Variants in MACROD2 observed in about 807,000 individuals in gnomAD.
MACROD2 encodes ADP-ribose glycohydrolase MACROD2.
A neutral mutation model predicts 70.4 loss-of-function variants in MACROD2; 36 were observed. The observed-to-expected ratio is 0.51, with a 90% CI of 0.39 to 0.68. The LOEUF is 0.68. Ranked by LOEUF, MACROD2 falls within the 30% of genes least tolerant of loss-of-function variation. The pLI is 0.00. For synonymous variants in MACROD2, 172 were observed against 178.8 expected (o/e 0.96, Z 0.30); for missense variants, 496 against 538.4 (o/e 0.92, Z 0.78).
intron 2 of MACROD2, among the ~76,000 whole-genome samples, chr20:14,070,389 A>G (rs538198368): frequency 6.6e-6 from 1 of 152,084 alleles, no homozygotes; most frequent in South Asian, 2.1e-4. Flanking sequence ...GTGGAGATTG[A>G]CTGGCTGGTT....
intron 8 of MACROD2, among the ~76,000 whole-genome samples, chr20:15,665,989 TAAAAAAAA>T (rs11484133): frequency 1.3e-5 from 2 of 148,764 alleles, no homozygotes; most frequent in African/African-American, 4.9e-5. Flanking sequence ...GAGAAAATAG[TAAAAAAAA>T]AAAGTGTTAG....
intron 6 of MACROD2, among the ~76,000 whole-genome samples, chr20:15,261,615 C>A (rs1485835711): frequency 6.6e-6 from 1 of 151,936 alleles, no homozygotes; most frequent in African/African-American, 2.4e-5. Flanking sequence ...TTTACATGAA[C>A]AGCAAGACTG....
At chr20:14,766,286 C>A (rs1361095344) in intron 5 of MACROD2, among the ~76,000 whole-genome samples, 2 of 151,982 alleles carry the variant, frequency 1.3e-5, no homozygotes, top group African/African-American at 2.4e-5. Context: ...TAGAATGGCA[C>A]CCCTAAGTTA....
At chr20:15,955,267 C>T (rs913348941) in intron 12 of MACROD2, among the ~76,000 whole-genome samples, 3 of 152,118 alleles carry the variant, frequency 2.0e-5, no homozygotes, top group South Asian at 4.1e-4. Context: ...CTCATTAATT[C>T]GTTGCTGACA....
intron 5 of MACROD2, among the ~76,000 whole-genome samples, chr20:15,078,277 G>A (rs2075675230): frequency 6.6e-6 from 1 of 152,076 alleles, no homozygotes; most frequent in Non-Finnish European, 1.5e-5. Context: ...TGTATTCTGA[G>A]TTTTTGCTCC....
chr20:15,213,151 G>T (rs1237987427), intron 5 of MACROD2, among the ~76,000 whole-genome samples: 3 of 152,198 alleles, frequency 2.0e-5, no homozygotes, highest in Admixed American at 2.0e-4. Flanking sequence ...ATGGAATTAG[G>T]CAACATTCAC....
chr20:15,219,991 C>A (rs1601247401), intron 5 of MACROD2, among the ~76,000 whole-genome samples: 6 of 133,032 alleles, frequency 4.5e-5, no homozygotes, highest in African/African-American at 5.3e-5. Context: ...GATCACTGCA[C>A]ATTTTTTTTT....
intron 6 of MACROD2, among the ~76,000 whole-genome samples, chr20:15,300,761 C>A (rs1368617084): frequency 6.6e-6 from 1 of 152,148 alleles, no homozygotes; most frequent in Non-Finnish European, 1.5e-5. Flanking sequence ...AGGGTTAAGG[C>A]TGGTCAATGA....
At position 14,327,431 on chromosome 20, in the gene MACROD2, C is replaced by T. The variant is rs1420069278; in HGVS notation, c.272-166048C>T. 2.5e-6 allele frequency: 4 copies of T among 1,613,484 alleles called. No individual in the cohort carries two copies. The Admixed American group carries it at 5.0e-5, about 20-fold the overall frequency. ...ACAGATGGACAGGATTTAGCCATAA[C>T]TGATAGAGGTGCTACTTGAAGGAAC... On this transcript the variant is annotated intron_variant, in intron 3 of 17. Transcript: ENST00000684519.
chr20:14,738,278 C>A (rs544924861), intron 5 of MACROD2, among the ~76,000 whole-genome samples: 1 of 151,854 alleles, frequency 6.6e-6, no homozygotes, highest in Non-Finnish European at 1.5e-5. Flanking sequence ...TGTCTAAAGT[C>A]TGAATAAAGA....
intron 6 of MACROD2, among the ~76,000 whole-genome samples, chr20:15,422,787 G>A (rs2046247482): frequency 6.6e-6 from 1 of 152,154 alleles, no homozygotes; most frequent in East Asian, 1.9e-4. Flanking sequence ...GAATTTAATA[G>A]CCAAATAAGC....
intron 6 of MACROD2, among the ~76,000 whole-genome samples, chr20:15,376,807 A>G (rs993411264): frequency 6.6e-6 from 1 of 152,222 alleles, no homozygotes; most frequent in Non-Finnish European, 1.5e-5. Flanking sequence ...TAAGACAAAA[A>G]TTCAAATGAT....
intron 4 of MACROD2, among the ~76,000 whole-genome samples, chr20:14,600,343 T>TATATATATACACAC (rs1320891260): frequency 1.5e-4 from 19 of 130,194 alleles, no homozygotes; most frequent in African/African-American, 5.4e-4. Context: ...TATATATATA[T>TATATATATACACAC]ACACACACAC....
At chr20:14,492,851 G>GT (rs1407678271) in intron 3 of MACROD2, among the ~76,000 whole-genome samples, 1 of 152,024 alleles carries the variant, frequency 6.6e-6, no homozygotes, top group African/African-American at 2.4e-5. Context: ...TTGACCTTGT[G>GT]AAAGAAATCC....
intron 3 of MACROD2, chr20:14,127,830 C>T (rs1221057512): frequency 6.6e-6 from 3 of 457,812 alleles, no homozygotes; most frequent in Admixed American, 2.5e-5. Flanking sequence ...GAAAAAACAG[C>T]AATCAATAGC....
intron 2 of MACROD2, among the ~76,000 whole-genome samples, chr20:14,037,648 G>T (rs371693418): frequency 1.8e-4 from 27 of 152,254 alleles, no homozygotes; most frequent in East Asian, 1.4e-3. Flanking sequence ...TGTTGGTGGG[G>T]GGGGTAGTTA....
chr20:15,526,616 G>A (rs1209133419), intron 8 of MACROD2, among the ~76,000 whole-genome samples: 3 of 152,186 alleles, frequency 2.0e-5, no homozygotes, highest in African/African-American at 7.2e-5. Flanking sequence ...ACTGAGAAAA[G>A]GTGGGTTGAC....
chr20:15,677,687 C>CCAAA (rs2050081890), intron 8 of MACROD2, among the ~76,000 whole-genome samples: 1 of 19,542 alleles, frequency 5.1e-5, no homozygotes, highest in African/African-American at 2.1e-4. Context: ...AACCAACCAA[C>CCAAA]CAACCAACCA....
chr20:15,166,444 C>G (rs1025489177), intron 5 of MACROD2, among the ~76,000 whole-genome samples: 1 of 152,118 alleles, frequency 6.6e-6, no homozygotes, highest in Non-Finnish European at 1.5e-5. Context: ...AGAACCCAAG[C>G]AGCCTGGCAT....
Sources: allele counts gnomAD v4.1 joint callset (sites outside exome capture counted in the v4.1 genomes callset), GRCh38; gene constraint gnomAD v4.1.1; transcripts MANE v1.5; gene names NCBI Gene and HGNC (gene_info 2026-07-23, HGNC 2026-07-21).